The following PTPRM variants were observed in gnomAD, a reference collection of about 807,000 sequenced individuals.
PTPRM encodes receptor-type tyrosine-protein phosphatase mu.
Under a neutral mutation model 186.7 loss-of-function variants are expected in PTPRM, and 47 were observed. The observed-to-expected ratio is 0.25, with a 90% CI of 0.20 to 0.32. The LOEUF (loss-of-function observed/expected upper bound fraction) is 0.32, where lower values mean the gene tolerates loss of function less well. Among genes scored for constraint, PTPRM ranks in the 10% least tolerant of loss-of-function variants. The pLI, the probability that PTPRM is intolerant of heterozygous loss-of-function variation, is 1.00. For missense variants in PTPRM, 1,494 were observed against 1,865.0 expected, an observed-to-expected ratio of 0.80 and a Z score of 3.66; for synonymous variants, 668 against 674.9, an observed-to-expected ratio of 0.99 and a Z score of 0.16.
At chr18:8,397,439 C>T (rs1405189273) in intron 32 of PTPRM, among the ~76,000 whole-genome samples, 2 of 152,254 alleles carry the variant, frequency 1.3e-5, no homozygotes, top group Non-Finnish European at 2.9e-5. Flanking sequence ...AGATGTATTT[C>T]TGCAAATTTT....
At chr18:7,934,071 A>C (rs1198751518) in intron 5 of PTPRM, among the ~76,000 whole-genome samples, 1 of 152,198 alleles carries the variant, frequency 6.6e-6, no homozygotes, top group African/African-American at 2.4e-5. Flanking sequence ...CGTTATAGAC[A>C]TACACCTTTA....
intron 1 of PTPRM, among the ~76,000 whole-genome samples, chr18:7,575,347 C>T (rs2036662993): frequency 6.6e-6 from 1 of 152,172 alleles, no homozygotes; most frequent in Admixed American, 6.5e-5. Flanking sequence ...AAGCAAGGTC[C>T]AGCCCCATCC....
intron 3 of PTPRM, among the ~76,000 whole-genome samples, chr18:7,892,318 T>C (rs2049123439): frequency 1.3e-5 from 2 of 152,154 alleles, no homozygotes; most frequent in Admixed American, 1.3e-4. Context: ...TGTCCCTACC[T>C]CAGTCAGCTG....
chr18:7,608,221 G>T (rs576639288), intron 1 of PTPRM, among the ~76,000 whole-genome samples: 3 of 152,286 alleles, frequency 2.0e-5, no homozygotes, highest in South Asian at 4.2e-4. Context: ...GGAAAAAGAG[G>T]CATGGATAGT....
intron 14 of PTPRM, among the ~76,000 whole-genome samples, chr18:8,153,524 A>T (rs115823550): frequency 0.015 from 2,221 of 152,272 alleles, 48 homozygotes; most frequent in African/African-American, 0.051. Flanking sequence ...CCACTTTGGG[A>T]TTTGCTTTTT....
At chr18:7,717,203 C>T (rs1286048714) in intron 1 of PTPRM, among the ~76,000 whole-genome samples, 1 of 152,084 alleles carries the variant, frequency 6.6e-6, no homozygotes, top group East Asian at 1.9e-4. Flanking sequence ...TCCCTATTTT[C>T]CTGCTTGAAT....
At chr18:8,352,256 T>TA (rs2095538316) in intron 23 of PTPRM, among the ~76,000 whole-genome samples, 1 of 152,234 alleles carries the variant, frequency 6.6e-6, no homozygotes, top group African/African-American at 2.4e-5. Flanking sequence ...GAGCACGTGG[T>TA]AAAGAGCTGG....
chr18:8,148,226 C>T (rs1416109352), intron 14 of PTPRM, among the ~76,000 whole-genome samples: 2 of 152,050 alleles, frequency 1.3e-5, no homozygotes, highest in Non-Finnish European at 2.9e-5. Flanking sequence ...AGGCATGGTA[C>T]CAGCTCCTCT....
chr18:8,309,221 A>G (rs1435262128), intron 20 of PTPRM, among the ~76,000 whole-genome samples: 2 of 152,150 alleles, frequency 1.3e-5, no homozygotes, highest in Non-Finnish European at 2.9e-5. Flanking sequence ...CTTCAGCTTT[A>G]CTAACTAGCA....
Position 7,842,963 on chromosome 18 carries a change from G to T in PTPRM, c.197-45143G>T, listed in dbSNP as rs1308000710. 1.6e-4 allele frequency among the ~76,000 whole-genome samples: 23 copies of T among 147,286 alleles called. 1 individual carries two copies. The highest frequency in any genetic ancestry group is 3.5e-3 in the Middle Eastern group (1 of 286). On this transcript the variant is annotated intron_variant, in intron 2 of 32. Coordinates refer to ENST00000580170, the MANE Select transcript of PTPRM (RefSeq NM_001105244.2). ...ATATATATATAGAGAGAGAGAGAGA[G>T]AGAGAGAGAGAGAGAGATTATATGA...
chr18:8,221,306 G>C (rs2094150612), intron 14 of PTPRM, among the ~76,000 whole-genome samples: 1 of 152,200 alleles, frequency 6.6e-6, no homozygotes, highest in Non-Finnish European at 1.5e-5. Context: ...CCCAGTACCT[G>C]TGAGTTTCTC....
intron 1 of PTPRM, chr18:7,741,409 G>C (rs2040882628): frequency 6.6e-6 from 1 of 152,132 alleles, no homozygotes; most frequent in East Asian, 1.9e-4. Flanking sequence ...GCTGAGCAAT[G>C]GCCCAAATGA....
In PTPRM at chr18:8,012,005, A is replaced by G. The variant is rs2084560503; in HGVS notation, c.1132+56591A>G. 2.0e-5 allele frequency among the ~76,000 whole-genome samples: 3 copies of G among 152,148 alleles called. No individual in the cohort carries two copies. The South Asian group carries it at 6.2e-4, about 32-fold the overall frequency. On this transcript the variant is annotated intron_variant, in intron 7 of 32. Coordinates refer to ENST00000580170, the MANE Select transcript of PTPRM (RefSeq NM_001105244.2). Reference sequence around the variant, plus strand: ...AGTTCATCCCTCCTTTTTGTAGAGAAGAAAACCAGGATTTGTTGCCACCGT... The same window carrying G: ...AGTTCATCCCTCCTTTTTGTAGAGAGGAAAACCAGGATTTGTTGCCACCGT...
chr18:8,234,360 G>A (rs1003181456), intron 14 of PTPRM, among the ~76,000 whole-genome samples: 11 of 152,184 alleles, frequency 7.2e-5, no homozygotes, highest in East Asian at 1.9e-4. Flanking sequence ...ATGGTATTAC[G>A]TCTTTAATGT....
intron 7 of PTPRM, among the ~76,000 whole-genome samples, chr18:8,023,871 C>CACACACGT (rs1555694918): frequency 1.4e-5 from 1 of 73,860 alleles, no homozygotes; most frequent in Non-Finnish European, 3.2e-5. Flanking sequence ...CACACACACA[C>CACACACGT]GCACACCCCT....
In PTPRM at chr18:8,362,522, C is replaced by T. The variant is rs558314377; in HGVS notation, c.3055-8368C>T. Among the ~76,000 whole-genome samples, 10 of 152,222 alleles carry T rather than the reference C, an allele frequency of 6.6e-5. No homozygotes were observed. In the East Asian group the frequency reaches 1.7e-3, roughly 27 times the overall value. On this transcript the variant is annotated intron_variant, in intron 23 of 32. Transcript: ENST00000580170. ...AATAGTGACTGCTTCCTGCTGCTGT[C>T]GGAGGATCGCGCCCTCCCAGCCCCC...
intron 1 of PTPRM, among the ~76,000 whole-genome samples, chr18:7,577,413 A>G (rs769880430): frequency 6.6e-6 from 1 of 152,180 alleles, no homozygotes; most frequent in African/African-American, 2.4e-5. Context: ...AGTCACTGGT[A>G]TATTAAAGGA....
At chr18:7,805,830 G>A (rs2044206918) in intron 2 of PTPRM, among the ~76,000 whole-genome samples, 1 of 152,164 alleles carries the variant, frequency 6.6e-6, no homozygotes, top group African/African-American at 2.4e-5. Context: ...GGCAGAATCA[G>A]TTAAAATGGA....
At chr18:7,857,311 A>ATTC (rs1382319755) in intron 2 of PTPRM, among the ~76,000 whole-genome samples, 2 of 152,162 alleles carry the variant, frequency 1.3e-5, no homozygotes, top group African/African-American at 4.8e-5. Context: ...ACCTTGAAAT[A>ATTC]GAGTAACAGA....
Sources: allele counts gnomAD v4.1 joint callset (sites outside exome capture counted in the v4.1 genomes callset), GRCh38; gene constraint gnomAD v4.1.1; transcripts MANE v1.5; gene names NCBI Gene and HGNC (gene_info 2026-07-23, HGNC 2026-07-21).